The following LONRF3 variants were observed in gnomAD, a reference collection of about 807,000 sequenced individuals.
LONRF3 encodes the protein LON peptidase N-terminal domain and RING finger protein 3.
LONRF3 carries 19 observed loss-of-function variants against 51.7 expected under a neutral mutation model. That is an observed-to-expected ratio of 0.37 (90% CI 0.26 to 0.54). The LOEUF is 0.54. LONRF3 is among the 20% of genes least tolerant of loss of function. LONRF3 has a pLI of 0.86. For synonymous variants in LONRF3, 265 were observed against 257.8 expected (o/e 1.03, Z -0.27); for missense variants, 521 against 623.9 (o/e 0.84, Z 1.76).
intron 1 of LONRF3, chrX:118,976,701 A>T (rs1922091440): frequency 8.9e-6 from 1 of 112,710 alleles, no homozygotes; most frequent in African/African-American, 3.2e-5. Context: ...CCGCTCTCTG[A>T]CCCACCACGC....
rs1328953663 is a variant in LONRF3, at chrX:118,982,186, G to A, written c.937-635G>A. ...GGAGCAGAAGTGATCCAGGCCCCTA[G>A]GAGAGTAAGCTCAGCCCCTGGTTAG... is the stretch of plus-strand genomic sequence containing the variant. On this transcript the variant is annotated intron_variant, in intron 2 of 10. Transcript: ENST00000371628. Among the ~76,000 whole-genome samples, 3 of 111,984 alleles carry A rather than the reference G, an allele frequency of 2.7e-5. 1 individual carries two copies. Among genetic ancestry groups the A allele is most frequent in the African/African-American group, 9.7e-5 (3 of 30,879 alleles).
chrX:118,982,813 C>T lies in LONRF3; in HGVS notation c.937-8C>T. 3 of 1,211,016 alleles carry T rather than the reference C, an allele frequency of 2.5e-6. No individual in the cohort carries two copies. Among genetic ancestry groups the T allele is most frequent in the South Asian group, 3.5e-5 (2 of 56,973 alleles). On this transcript the variant is annotated splice_region_variant and splice_polypyrimidine_tract_variant and intron_variant, in intron 2 of 10. Transcript: ENST00000371628. Reference sequence around the variant, plus strand: ...AAAATGGGATTGAATGCTAATGTTTCCTTCCAGGCACATTTCAGAAAAGCC... The same window carrying T: ...AAAATGGGATTGAATGCTAATGTTTTCTTCCAGGCACATTTCAGAAAAGCC...
chrX:118,990,372 T>C (rs778008416), intron 4 of LONRF3, 98 bp from the exon 5 acceptor site: 37 of 621,770 alleles, frequency 6.0e-5, no homozygotes, highest in Non-Finnish European at 9.4e-5. Context: ...GTGGTGAGAG[T>C]GGCAAACTGA....
chrX:118,996,249 T>C (rs1923859353), intron 5 of LONRF3, among the ~76,000 whole-genome samples: 1 of 111,313 alleles, frequency 9.0e-6, no homozygotes, highest in East Asian at 2.8e-4. Flanking sequence ...CTCTGAGAAC[T>C]GGAACAAGAC....
chrX:118,987,574 T>G (rs2147276093), intron 3 of LONRF3, among the ~76,000 whole-genome samples: 1 of 107,171 alleles, frequency 9.3e-6, no homozygotes, highest in African/African-American at 3.4e-5. Flanking sequence ...GATACATTTT[T>G]TTCCAGTTCT....
At chrX:118,987,199 C>T (rs1923041631) in intron 3 of LONRF3, 4 of 529,729 alleles carry the variant, frequency 7.6e-6, no homozygotes, top group African/African-American at 2.4e-5. Flanking sequence ...AATTGAGTCA[C>T]TAGTGGTTCT....
At chrX:118,975,656 G>T in intron 1 of LONRF3, 59 bp downstream of exon 1, 1 of 875,231 alleles carries the variant, frequency 1.1e-6, no homozygotes, top group South Asian at 2.6e-5. Context: ...GAGGGAGCGG[G>T]AGAACAAACC....
At position 118,974,881 on chromosome X, in the gene LONRF3, A is replaced by G. The variant is rs751403931; in HGVS notation, c.101A>G (p.Asp34Gly). The G allele has an allele frequency of 4.2e-6, 5 of 1,201,798 alleles. No individual in the cohort carries two copies. In the African/African-American group the frequency reaches 8.7e-5, roughly 21 times the overall value. ...AERGASAAQVDMGPHPKVAAE... is the reference protein window; with the variant it reads ...AERGASAAQVGMGPHPKVAAE... ...CGAGGGGCATCAGCGGCCCAAGTAG[A>G]CATGGGCCCCCACCCAAAGGTGGCT... Residue 34 changes from aspartate to glycine, a missense_variant, in exon 1 of 11, where the codon GAC (aspartate) becomes GGC (glycine). Asp to Gly is a moderately conservative substitution (Grantham distance 94, BLOSUM62 -1). This residue lies in a region of LONRF3 where 376 missense variants were observed against 376.7 expected (regional missense o/e 1.00). Transcript: ENST00000371628.
chrX:119,005,952 A>G lies in LONRF3; in HGVS notation c.1416-169A>G, dbSNP rs1286585733. ...AATAAATGTATTTTAATCCAGCTCA[A>G]AAATGAAAGGCAAATGTTTATCTGA... On this transcript the variant is annotated intron_variant, in intron 5 of 10. Transcript: ENST00000371628. 4.5e-5 allele frequency among the ~76,000 whole-genome samples: 5 copies of G among 112,144 alleles called. No individual in the cohort carries two copies. The East Asian group carries it at 1.4e-3, about 31-fold the overall frequency.
intron 6 of LONRF3, among the ~76,000 whole-genome samples, chrX:119,006,462 G>A (rs957435881): frequency 9.5e-5 from 10 of 105,107 alleles, no homozygotes; most frequent in African/African-American, 3.5e-4. Context: ...GTGCAGTGGC[G>A]TGATCGCGGG....
intron 4 of LONRF3, 111 bp downstream of exon 4, chrX:118,989,783 C>T: frequency 2.4e-6 from 2 of 821,113 alleles, no homozygotes; most frequent in African/African-American, 2.1e-5. Context: ...GGTGTGGGGC[C>T]CAGCTCTGGC....
At chrX:118,987,949 G>A (rs1225924486) in intron 3 of LONRF3, among the ~76,000 whole-genome samples, 1 of 111,918 alleles carries the variant, frequency 8.9e-6, no homozygotes, top group Non-Finnish European at 1.9e-5. Context: ...TGAAAACCAG[G>A]AAACAGAACA....
chrX:118,999,544 G>A (rs749966250), intron 5 of LONRF3, among the ~76,000 whole-genome samples: 1 of 111,923 alleles, frequency 8.9e-6, no homozygotes, highest in East Asian at 2.8e-4. Flanking sequence ...ACATCCAGGG[G>A]ACAAGAAATC....
Position 118,981,634 on chromosome X carries a change from C to A in LONRF3, c.937-1187C>A, listed in dbSNP as rs9792799. Among the ~76,000 whole-genome samples the A allele has an allele frequency of 2.7e-5, 3 of 111,381 alleles. No homozygotes were observed. In the East Asian group the frequency reaches 8.5e-4, roughly 31 times the overall value. On this transcript the variant is annotated intron_variant, in intron 2 of 10. Coordinates refer to ENST00000371628, the MANE Select transcript of LONRF3 (RefSeq NM_001031855.3). ...TCCCAAACACCCTTGGTAAACACTGCTGGGAGAAGCAACAAGGGAGGCCAT... is the reference window on the plus strand; with the variant it reads ...TCCCAAACACCCTTGGTAAACACTGATGGGAGAAGCAACAAGGGAGGCCAT...
chrX:119,006,713 C>A (rs1237688885), intron 6 of LONRF3, among the ~76,000 whole-genome samples: 2 of 111,807 alleles, frequency 1.8e-5, no homozygotes, highest in Non-Finnish European at 1.9e-5. Context: ...TCAGCCTCCC[C>A]GAGTAGCTGG....
At chrX:118,987,774 A>G (rs1923118217) in intron 3 of LONRF3, among the ~76,000 whole-genome samples, 1 of 111,011 alleles carries the variant, frequency 9.0e-6, no homozygotes, top group Non-Finnish European at 1.9e-5. Flanking sequence ...ATCCTGTGCA[A>G]AGACAACTCT....
At chrX:118,986,830 C>A in intron 3 of LONRF3, 1 of 792,931 alleles carries the variant, frequency 1.3e-6, no homozygotes, top group Non-Finnish European at 1.8e-6. Flanking sequence ...GGAGTTCTGC[C>A]CTGCAAGCTG....
intron 1 of LONRF3, chrX:118,976,605 G>T (rs1317904976): frequency 8.9e-6 from 1 of 112,559 alleles, no homozygotes; most frequent in Non-Finnish European, 1.9e-5. Flanking sequence ...CGCCTGGGAG[G>T]GTTGGGTGGG....
rs1425317979 is a variant in LONRF3, at chrX:119,014,305, T to C, written c.2073T>C (p.Asn691=). The change falls in exon 10 of 11, where the codon AAT becomes AAC. Residue 691 remains asparagine, a synonymous_variant. Coordinates refer to ENST00000371628, the MANE Select transcript of LONRF3 (RefSeq NM_001031855.3). The part of the protein sequence containing the change: ...WFHSLKLSLK[N]RILNHFGPMP... ...ATTCGCTCAAATTATCCCTAAAGAA[T>C]CGGATACTCAATCACTTTGGTCCCA... is the stretch of plus-strand genomic sequence containing the variant. The C allele has an allele frequency of 8.3e-7, 1 of 1,209,061 alleles. No individual in the cohort carries two copies. The highest frequency in any genetic ancestry group is 1.1e-6 in the Non-Finnish European group (1 of 894,580).
Sources: gnomAD v4.1 joint callset for allele counts (sites outside exome capture counted in the v4.1 genomes callset) on GRCh38, gnomAD v4.1.1 for gene constraint, gnomAD v4.1.1 regional missense constraint, MANE v1.5 for transcripts, NCBI Gene and HGNC (gene_info 2026-07-23, HGNC 2026-07-21) for gene names.